Variants in IL18 observed in about 807,000 individuals in gnomAD.
IL18 encodes the protein interleukin 18, also known as interleukin-18.
A neutral mutation model predicts 14.2 loss-of-function variants in IL18; 8 were observed. The ratio of observed to expected loss-of-function variants is 0.56; its 90% CI spans 0.33 to 1.01. The LOEUF is 1.01. IL18 is among the 50% of genes least tolerant of loss of function. IL18 has a pLI of 0.03. For missense variants in IL18, 166 were observed against 231.1 expected (o/e 0.72, Z 1.83); for synonymous variants, 67 against 71.0 (o/e 0.94, Z 0.28).
intron 4 of IL18, among the ~76,000 whole-genome samples, chr11:112,149,594 A>G (rs1168108179): frequency 1.5e-5 from 2 of 135,902 alleles, no homozygotes; most frequent in African/African-American, 5.6e-5. Context: ...AATTTTAGAG[A>G]CAAGGTCTGT....
At chr11:112,145,907 C>T (rs1866333222) in intron 5 of IL18, among the ~76,000 whole-genome samples, 2 of 152,118 alleles carry the variant, frequency 1.3e-5, no homozygotes, top group Admixed American at 6.5e-5. Flanking sequence ...TGACCACTCC[C>T]AGCCATCATA....
At chr11:112,159,939 G>T (rs935802947) in intron 1 of IL18, among the ~76,000 whole-genome samples, 1 of 152,100 alleles carries the variant, frequency 6.6e-6, no homozygotes, top group Non-Finnish European at 1.5e-5. Context: ...TACTGGTGGT[G>T]GGGGGAGAGT....
intron 3 of IL18, 64 bp from the exon 4 acceptor site, chr11:112,150,270 T>C (rs201859740): frequency 1.2e-5 from 13 of 1,107,688 alleles, no homozygotes; most frequent in African/African-American, 3.1e-5. Context: ...CAAATAAGTA[T>C]GCTATATATT....
intron 5 of IL18, among the ~76,000 whole-genome samples, chr11:112,146,550 C>T (rs1217878614): frequency 6.6e-6 from 1 of 152,170 alleles, no homozygotes; most frequent in Non-Finnish European, 1.5e-5. Flanking sequence ...TCTTGAACTC[C>T]TGATCTCAAG....
chr11:112,146,912 C>G (rs964134534), intron 5 of IL18, among the ~76,000 whole-genome samples: 1 of 148,014 alleles, frequency 6.8e-6, no homozygotes, highest in Non-Finnish European at 1.5e-5. Context: ...TAAGCTTATG[C>G]CTTTGGTAAT....
At chr11:112,154,084 A>C (rs1161001051) in intron 2 of IL18, among the ~76,000 whole-genome samples, 1 of 151,992 alleles carries the variant, frequency 6.6e-6, no homozygotes, top group Non-Finnish European at 1.5e-5. Flanking sequence ...TTCAGCCTCC[A>C]AAGAAGGTAG....
At chr11:112,155,234 T>C (rs951323624) in intron 1 of IL18, among the ~76,000 whole-genome samples, 173 bp from the exon 2 acceptor site, 1 of 152,246 alleles carries the variant, frequency 6.6e-6, no homozygotes, top group Admixed American at 6.5e-5. Context: ...TTAAGTGTTC[T>C]CTTACAAATC....
At position 112,143,860 on chromosome 11, in the gene IL18, C is replaced by A. The variant is rs568928137; in HGVS notation, c.361-43G>T. Reference sequence around the variant, plus strand: ...TTACCTAATTATTTCAGGACATGAACAATTTGAATATATGAAGTTTGTTTT... The same window carrying A: ...TTACCTAATTATTTCAGGACATGAAAAATTTGAATATATGAAGTTTGTTTT... On this transcript the variant is annotated intron_variant, in intron 5 of 5. Coordinates refer to ENST00000280357, the MANE Select transcript of IL18 (RefSeq NM_001562.4). 1.9e-5 allele frequency: 24 copies of A among 1,233,268 alleles called. No homozygotes were observed. In the East Asian group the frequency reaches 5.4e-4, roughly 28 times the overall value. 76.4% of individuals were successfully genotyped at this position (1,233,268 alleles called of 1,614,324 possible).
At chr11:112,145,968 A>G (rs1866334663) in intron 5 of IL18, among the ~76,000 whole-genome samples, 1 of 151,866 alleles carries the variant, frequency 6.6e-6, no homozygotes, top group Admixed American at 6.6e-5. Context: ...GACCTTGGAG[A>G]ACCCCCAACT....
intron 4 of IL18, 130 bp from the exon 5 acceptor site, chr11:112,148,866 G>T: frequency 2.1e-6 from 1 of 473,578 alleles, no homozygotes; most frequent in Non-Finnish European, 3.6e-6. Flanking sequence ...GTCTGCAGGA[G>T]ACTATGTACA....
chr11:112,152,977 G>C (rs1310314226), intron 3 of IL18: 1 of 152,120 alleles, frequency 6.6e-6, no homozygotes, highest in African/African-American at 2.4e-5. Flanking sequence ...CTTGGGGTGA[G>C]AGAACGTCTT....
At chr11:112,149,107 A>G (rs746209293) in intron 4 of IL18, among the ~76,000 whole-genome samples, 12 of 152,146 alleles carry the variant, frequency 7.9e-5, no homozygotes, top group Non-Finnish European at 1.8e-4. Context: ...CCTGGCCAAC[A>G]TGGTGAAACC....
chr11:112,154,666 T>A (rs1003134590), intron 2 of IL18, among the ~76,000 whole-genome samples: 2 of 152,234 alleles, frequency 1.3e-5, no homozygotes, highest in African/African-American at 4.8e-5. Context: ...TACTGGGATT[T>A]TTCCCATGGA....
At chr11:112,148,781 T>G (rs1156475600) in intron 4 of IL18, 45 bp from the exon 5 acceptor site, 1 of 1,258,488 alleles carries the variant, frequency 7.9e-7, no homozygotes, top group Non-Finnish European at 1.0e-6. Context: ...GAAGAATTCT[T>G]GCACAGGAAC....
At position 112,148,717 on chromosome 11, in the gene IL18, T is replaced by A. The variant is rs747430123; in HGVS notation, c.246A>T (p.Ile82=). ...TATCTTTATACATACTTATAATAAA[T>A]ATGGTCCGGGGTGCATTATCTGAAA... ...SDCRDNAPRT[I]FIISMYKDSQ... is the part of the protein sequence containing the mutation. The change falls in exon 5 of 6, where the codon ATA becomes ATT. Residue 82 remains isoleucine, a synonymous_variant. Coordinates refer to ENST00000280357, the MANE Select transcript of IL18 (RefSeq NM_001562.4). 2 of 1,477,190 alleles carry A rather than the reference T, an allele frequency of 1.4e-6. No individual in the cohort carries two copies. Among genetic ancestry groups the A allele is most frequent in the South Asian group, 2.7e-5 (2 of 74,094 alleles). The allele number at this position is 1,477,190 out of a possible 1,614,324, so 91.5% of individuals were successfully genotyped here. A position where few individuals can be genotyped will look rare whatever the true frequency, so the allele number is the denominator to read the frequency against.
At chr11:112,153,181 AC>A (rs1397365046) in intron 3 of IL18, 3 of 57,030 alleles carry the variant, frequency 5.3e-5, no homozygotes, top group African/African-American at 9.9e-5. Flanking sequence ...CCCACCACCA[AC>A]CCGGGAACCT....
At chr11:112,162,613 G>A (rs1049957734) in intron 1 of IL18, among the ~76,000 whole-genome samples, 2 of 152,044 alleles carry the variant, frequency 1.3e-5, no homozygotes, top group African/African-American at 4.8e-5. Flanking sequence ...CCAAAGTGTT[G>A]GGATTACAGG....
At chr11:112,145,822 T>C (rs1418519936) in intron 5 of IL18, among the ~76,000 whole-genome samples, 2 of 152,146 alleles carry the variant, frequency 1.3e-5, no homozygotes, top group South Asian at 2.1e-4. Context: ...AGGCAATCTC[T>C]TTAATCACAC....
At chr11:112,155,706 G>A (rs1866520223) in intron 1 of IL18, among the ~76,000 whole-genome samples, 1 of 152,078 alleles carries the variant, frequency 6.6e-6, no homozygotes, top group African/African-American at 2.4e-5. Flanking sequence ...AAGGGATACA[G>A]GATTTGAAAA....
Sources: gnomAD v4.1 joint callset for allele counts (sites outside exome capture counted in the v4.1 genomes callset) on GRCh38, gnomAD v4.1.1 for gene constraint, MANE v1.5 for transcripts, NCBI Gene and HGNC (gene_info 2026-07-23, HGNC 2026-07-21) for gene names.